ARNT: variants seen among roughly 807,000 people sequenced by gnomAD.
The protein encoded by ARNT is class E basic helix-loop-helix protein 2.
A neutral mutation model predicts 105.0 loss-of-function variants in ARNT; 30 were observed. The ratio of observed to expected loss-of-function variants is 0.29; its 90% CI spans 0.21 to 0.39. The LOEUF (loss-of-function observed/expected upper bound fraction) is 0.39, where lower values mean the gene tolerates loss of function less well. ARNT is among the 10% of genes least tolerant of loss of function. The probability of loss-of-function intolerance (pLI) is 1.00; values close to 1 mark genes in which losing one functional copy is unlikely to be tolerated. For synonymous variants in ARNT, 304 were observed against 344.0 expected (o/e 0.88, Z 1.29); for missense variants, 748 against 978.7 (o/e 0.76, Z 3.15).
chr1:150,864,010 C>A (rs1416680829), intron 1 of ARNT, among the ~76,000 whole-genome samples: 1 of 152,010 alleles, frequency 6.6e-6, no homozygotes, highest in African/African-American at 2.4e-5. Context: ...GATGGTACAG[C>A]CACTACACAC....
chr1:150,866,151 C>G (rs1007173944), intron 1 of ARNT, among the ~76,000 whole-genome samples: 2 of 151,858 alleles, frequency 1.3e-5, no homozygotes, highest in African/African-American at 4.8e-5. Flanking sequence ...TCCAACTAAT[C>G]TTTGTATTTT....
intron 1 of ARNT, among the ~76,000 whole-genome samples, chr1:150,867,545 T>C (rs587739744): frequency 1.3e-3 from 201 of 152,200 alleles, no homozygotes; most frequent in African/African-American, 4.6e-3. Context: ...GAGAGAGATA[T>C]CTTTTAAATA....
At chr1:150,833,466 T>A (rs1018008923) in intron 8 of ARNT, among the ~76,000 whole-genome samples, 15 of 152,086 alleles carry the variant, frequency 9.9e-5, no homozygotes, top group African/African-American at 3.6e-4. Context: ...CACTCCAGCC[T>A]GGGCAACAGA....
In ARNT at chr1:150,823,395, C is replaced by G. The variant is rs587653358; in HGVS notation, c.1243-50G>C. The G allele has an allele frequency of 6.1e-5, 93 of 1,517,164 alleles. No individual in the cohort carries two copies. In the South Asian group the frequency reaches 1.2e-3, roughly 19 times the overall value. 94.0% of individuals were successfully genotyped at this position (1,517,164 alleles called of 1,614,324 possible). A position where few individuals can be genotyped will look rare whatever the true frequency, so the allele number is the denominator to read the frequency against. The stretch of plus-strand genomic sequence containing the variant: ...TGGAACTCATAGAAAATTTTCATTA[C>G]AAAAATAAATAAAAATTTTCCAATT... On this transcript the variant is annotated intron_variant, in intron 13 of 21. Transcript: ENST00000358595.
intron 7 of ARNT, among the ~76,000 whole-genome samples, chr1:150,835,093 A>C (rs1225678857): frequency 6.7e-6 from 1 of 150,296 alleles, no homozygotes; most frequent in African/African-American, 2.4e-5. Flanking sequence ...GTGCCTGTGA[A>C]GAGTCACTGT....
At chr1:150,814,275 C>T (rs757419882) in intron 19 of ARNT, 36 bp from the exon 20 acceptor site, 1 of 1,600,080 alleles carries the variant, frequency 6.2e-7, no homozygotes, top group Admixed American at 1.7e-5. Context: ...AGAACAAATA[C>T]AGCATTAACA....
At chr1:150,822,795 G>C (rs1467281013) in intron 14 of ARNT, among the ~76,000 whole-genome samples, 1 of 152,190 alleles carries the variant, frequency 6.6e-6, no homozygotes, top group Admixed American at 6.5e-5. Context: ...TCAGAAGTGG[G>C]AGCAGTCTTG....
chr1:150,818,300 T>C, intron 14 of ARNT: 1 of 298,598 alleles, frequency 3.3e-6, no homozygotes, highest in South Asian at 1.2e-4. Context: ...TGAATGTGTG[T>C]ATATATTCAT....
intron 1 of ARNT, among the ~76,000 whole-genome samples, chr1:150,864,489 A>T (rs370977043): frequency 6.6e-6 from 1 of 151,736 alleles, no homozygotes; most frequent in African/African-American, 2.4e-5. Context: ...GGAAATCATC[A>T]TTCTCAGTAA....
At chr1:150,846,680 C>G (rs1378698524) in intron 3 of ARNT, among the ~76,000 whole-genome samples, 1 of 152,078 alleles carries the variant, frequency 6.6e-6, no homozygotes, top group Non-Finnish European at 1.5e-5. Context: ...TTGAGTAGTG[C>G]TAACCATATT....
At chr1:150,825,936 CAG>C (rs904836596) in intron 13 of ARNT, among the ~76,000 whole-genome samples, 5 of 149,246 alleles carry the variant, frequency 3.4e-5, no homozygotes, top group African/African-American at 1.2e-4. Context: ...TTTTTTGAGA[CAG>C]AGTCTAGCTC....
chr1:150,861,292 C>T (rs1046987551), intron 1 of ARNT: 1 of 426,590 alleles, frequency 2.3e-6, no homozygotes, highest in Admixed American at 2.8e-5. Context: ...AATCTTGAGT[C>T]CAAGATCAGG....
rs587732683 is a variant in ARNT, at chr1:150,873,655, A to G, written c.25+2888T>C. ...ATTAACTTGGCCGGGTCAGTGGCTC[A>G]CACCTATAATCCCAGCAGTTTAGGA... On this transcript the variant is annotated intron_variant, in intron 1 of 21. Coordinates refer to ENST00000358595, the MANE Select transcript of ARNT (RefSeq NM_001668.4). Among the ~76,000 whole-genome samples, 11 of 152,270 alleles carry G rather than the reference A, an allele frequency of 7.2e-5. No homozygotes were observed. The East Asian group carries it at 2.1e-3, about 29-fold the overall frequency.
intron 14 of ARNT, chr1:150,818,329 G>T: frequency 4.3e-6 from 1 of 231,908 alleles, no homozygotes; most frequent in Non-Finnish European, 8.3e-6. Flanking sequence ...TTTTTTAAAA[G>T]CATAGGTAAA....
intron 14 of ARNT, 122 bp from the exon 15 acceptor site, chr1:150,818,152 T>C (rs1656336405): frequency 4.5e-6 from 3 of 668,000 alleles, no homozygotes; most frequent in Non-Finnish European, 7.5e-6. Flanking sequence ...GGTGGAACAA[T>C]CAATAAATCC....
intron 9 of ARNT, 106 bp from the exon 10 acceptor site, chr1:150,832,009 A>G (rs909598763): frequency 1.2e-6 from 1 of 806,132 alleles, no homozygotes; most frequent in South Asian, 1.6e-5. Context: ...AGGAGTTTAG[A>G]AAACAGGATA....
chr1:150,841,143 G>A (rs1661237488), intron 5 of ARNT, among the ~76,000 whole-genome samples: 1 of 149,704 alleles, frequency 6.7e-6, no homozygotes, highest in Non-Finnish European at 1.5e-5. Context: ...GTAGAGACGC[G>A]GTTTCACCAA....
intron 18 of ARNT, 140 bp downstream of exon 18, chr1:150,816,648 C>T: frequency 1.9e-6 from 2 of 1,035,994 alleles, no homozygotes; most frequent in Non-Finnish European, 2.7e-6. Context: ...AGAAAAGCAG[C>T]TTGTTTGCCT....
Position 150,831,875 on chromosome 1 carries a change from C to T in ARNT, c.898G>A (p.Glu300Lys). The stretch of plus-strand genomic sequence containing the variant: ...CAGTGGACCACCACGAAGTGAGGTT[C>T]CCCATCCTTTACAGAGCCAAGTCCA... ...RNGLGSVKDG[E>K]PHFVVVHCTG... is the part of the protein sequence containing the mutation. Residue 300 changes from glutamate (E) to lysine (K), a missense_variant, in exon 10 of 22, where the codon GAA becomes AAA. This residue lies in a region of ARNT where 291 missense variants were observed against 444.6 expected (regional missense o/e 0.65). Coordinates refer to ENST00000358595, the MANE Select transcript of ARNT (RefSeq NM_001668.4). 6.3e-7 allele frequency: 1 copy of T among 1,595,266 alleles called. No homozygotes were observed. The highest frequency in any genetic ancestry group is 8.5e-7 in the Non-Finnish European group (1 of 1,175,140).
Sources: allele counts gnomAD v4.1 joint callset (sites outside exome capture counted in the v4.1 genomes callset), GRCh38; gene constraint gnomAD v4.1.1; regional missense constraint gnomAD v4.1.1; transcripts MANE v1.5; gene names NCBI Gene and HGNC (gene_info 2026-07-23, HGNC 2026-07-21).